The following RBFOX1 variants were observed in gnomAD, a reference collection of about 807,000 sequenced individuals.
The protein encoded by RBFOX1 is RNA binding fox-1 homolog 1.
A neutral mutation model predicts 57.7 loss-of-function variants in RBFOX1; 8 were observed. The observed-to-expected ratio is 0.14, with a 90% confidence interval of 0.08 to 0.25. RBFOX1 has a LOEUF of 0.25. RBFOX1 is among the 10% of genes least tolerant of loss of function. The pLI is 1.00. For missense variants in RBFOX1, 611 were observed against 548.5 expected (o/e 1.11, Z -1.14); for synonymous variants, 326 against 222.4 (o/e 1.47, Z -4.15).
intron 3 of RBFOX1, among the ~76,000 whole-genome samples, chr16:6,996,877 G>C (rs985634008): frequency 6.6e-6 from 1 of 152,134 alleles, no homozygotes. Flanking sequence ...TAACACATCT[G>C]TAGTCACAGA....
chr16:7,369,251 G>T (rs2097525116), intron 4 of RBFOX1, among the ~76,000 whole-genome samples: 1 of 151,476 alleles, frequency 6.6e-6, no homozygotes, highest in African/African-American at 2.4e-5. Flanking sequence ...CAGAAACCAC[G>T]ATGTTCCTGC....
intron 4 of RBFOX1, among the ~76,000 whole-genome samples, chr16:7,246,923 C>A (rs148049904): frequency 6.6e-6 from 1 of 152,250 alleles, no homozygotes; most frequent in East Asian, 1.9e-4. Context: ...CCTCAATTTT[C>A]CCATTTTACG....
chr16:6,929,287 G>A (rs1174971686), intron 3 of RBFOX1, among the ~76,000 whole-genome samples: 2 of 152,080 alleles, frequency 1.3e-5, no homozygotes, highest in Admixed American at 6.5e-5. Flanking sequence ...GTAGGAAACT[G>A]GGGAAGCTCT....
At chr16:7,555,601 C>A (rs2088125911) in intron 5 of RBFOX1, among the ~76,000 whole-genome samples, 1 of 152,038 alleles carries the variant, frequency 6.6e-6, no homozygotes, top group South Asian at 2.1e-4. Flanking sequence ...GTTTCTGTGC[C>A]CTCGTCAGGT....
At chr16:7,040,833 G>T (rs1597766604) in intron 3 of RBFOX1, among the ~76,000 whole-genome samples, 3 of 152,128 alleles carry the variant, frequency 2.0e-5, no homozygotes, top group East Asian at 1.9e-4. Flanking sequence ...TCAAAGTTTG[G>T]CAAATTGTGG....
intron 4 of RBFOX1, among the ~76,000 whole-genome samples, chr16:7,257,169 T>C (rs999746964): frequency 6.6e-6 from 1 of 152,188 alleles, no homozygotes; most frequent in African/African-American, 2.4e-5. Flanking sequence ...CAACTGTTTC[T>C]CTATCAGAAA....
At chr16:7,040,792 C>G (rs2045894715) in intron 3 of RBFOX1, among the ~76,000 whole-genome samples, 2 of 152,156 alleles carry the variant, frequency 1.3e-5, no homozygotes, top group East Asian at 1.9e-4. Flanking sequence ...CATTCATTTT[C>G]TAATGGATTC....
intron 1 of RBFOX1, among the ~76,000 whole-genome samples, chr16:6,248,729 C>A (rs193074546): frequency 6.6e-6 from 1 of 151,998 alleles, no homozygotes; most frequent in Non-Finnish European, 1.5e-5. Context: ...ATTGGGCTTC[C>A]GAGATTCAAA....
At chr16:6,616,784 G>T (rs2098148180) in intron 2 of RBFOX1, among the ~76,000 whole-genome samples, 1 of 152,184 alleles carries the variant, frequency 6.6e-6, no homozygotes, top group African/African-American at 2.4e-5. Flanking sequence ...TGACAAGAGT[G>T]AGCTACAGCC....
At chr16:7,569,980 C>T (rs1045423237) in intron 5 of RBFOX1, among the ~76,000 whole-genome samples, 1 of 152,114 alleles carries the variant, frequency 6.6e-6, no homozygotes, top group African/African-American at 2.4e-5. Flanking sequence ...GTCATTTTTT[C>T]AAAGGCTAAA....
At chr16:6,317,755 A>G (rs1413707897) in intron 2 of RBFOX1, among the ~76,000 whole-genome samples, 2 of 152,162 alleles carry the variant, frequency 1.3e-5, no homozygotes, top group African/African-American at 4.8e-5. Flanking sequence ...CACCTTCACA[A>G]AGTCTCTGAT....
At chr16:6,976,229 C>A (rs59137888) in intron 3 of RBFOX1, among the ~76,000 whole-genome samples, 1 of 152,070 alleles carries the variant, frequency 6.6e-6, no homozygotes, top group Non-Finnish European at 1.5e-5. Context: ...CTAATTATTA[C>A]ATAGGGGAAA....
At chr16:6,132,119 A>G (rs1266435502) in intron 1 of RBFOX1, among the ~76,000 whole-genome samples, 1 of 152,202 alleles carries the variant, frequency 6.6e-6, no homozygotes, top group South Asian at 2.1e-4. Flanking sequence ...TTAACGACCA[A>G]TTGAGAGAGA....
chr16:5,700,021 A>T (rs1272757204), intron 3 of RBFOX1, among the ~76,000 whole-genome samples: 1 of 151,980 alleles, frequency 6.6e-6, no homozygotes, highest in Non-Finnish European at 1.5e-5. Context: ...TTTAGTAGAG[A>T]CGGGGTTTTA....
chr16:5,933,368 G>A (rs1412649229), intron 4 of RBFOX1, among the ~76,000 whole-genome samples: 1 of 152,194 alleles, frequency 6.6e-6, no homozygotes, highest in Non-Finnish European at 1.5e-5. Context: ...CAGTGGGGGA[G>A]TGTTCGTGTG....
chr16:7,666,212 T>C (rs1055053443), intron 13 of RBFOX1, among the ~76,000 whole-genome samples: 1 of 152,160 alleles, frequency 6.6e-6, no homozygotes, highest in African/African-American at 2.4e-5. Context: ...TCACCAGTCC[T>C]GGCTCTCGAC....
chr16:5,821,417 C>G (rs1001209977), intron 3 of RBFOX1, among the ~76,000 whole-genome samples: 3 of 151,488 alleles, frequency 2.0e-5, no homozygotes, highest in African/African-American at 7.3e-5. Flanking sequence ...GTTCTTCTGC[C>G]TCAGCCTCCC....
At chr16:7,668,736 C>T (rs1007465871) in intron 13 of RBFOX1, among the ~76,000 whole-genome samples, 3 of 152,018 alleles carry the variant, frequency 2.0e-5, no homozygotes, top group Admixed American at 2.0e-4. Context: ...CATATCAAAT[C>T]TTTTGATATG....
intron 2 of RBFOX1, among the ~76,000 whole-genome samples, chr16:6,534,108 A>T (rs187780890): frequency 1.1e-4 from 17 of 152,316 alleles, no homozygotes; most frequent in Non-Finnish European, 1.9e-4. Flanking sequence ...TGCTCATTGC[A>T]TGTTTATTTG....
Sources: allele counts gnomAD v4.1 joint callset (sites outside exome capture counted in the v4.1 genomes callset), GRCh38; gene constraint gnomAD v4.1.1; transcripts MANE v1.5; gene names NCBI Gene and HGNC (gene_info 2026-07-23, HGNC 2026-07-21).